AP2A1: variants seen among roughly 807,000 people sequenced by gnomAD.
The protein encoded by AP2A1 is adaptor related protein complex 2 subunit alpha 1.
A neutral mutation model predicts 107.3 loss-of-function variants in AP2A1; 21 were observed. The ratio of observed to expected loss-of-function variants is 0.20; its 90% CI spans 0.14 to 0.28. The LOEUF is 0.28. Ranked by LOEUF, AP2A1 falls within the 10% of genes least tolerant of loss-of-function variation. The pLI is 1.00. For missense variants in AP2A1, 873 were observed against 1,307.7 expected, an observed-to-expected ratio of 0.67 and a Z score of 5.13; for synonymous variants, 602 against 564.8, an observed-to-expected ratio of 1.07 and a Z score of -0.93.
chr19:49,802,621 G>A, intron 15 of AP2A1: 1 of 1,537,116 alleles, frequency 6.5e-7, no homozygotes, highest in Non-Finnish European at 8.8e-7. Flanking sequence ...CCTGGGGTGG[G>A]AGGTCGGTCG....
intron 8 of AP2A1, 51 bp downstream of exon 8, chr19:49,799,003 G>T: frequency 6.5e-6 from 10 of 1,548,718 alleles, no homozygotes; most frequent in Non-Finnish European, 7.9e-6. Context: ...GGAAAGAGGG[G>T]CATGGAGGCC....
intron 22 of AP2A1, 45 bp from the exon 23 acceptor site, chr19:49,806,636 G>A: frequency 6.2e-7 from 1 of 1,610,542 alleles, no homozygotes; most frequent in South Asian, 1.1e-5. Context: ...GACTTCCCTG[G>A]GCTCCCCATC....
At chr19:49,781,865 G>A (rs2084679888) in intron 2 of AP2A1, 40 bp downstream of exon 2, 1 of 1,610,218 alleles carries the variant, frequency 6.2e-7, no homozygotes, top group African/African-American at 1.3e-5. Context: ...AGGGAGGAGG[G>A]GGCTGGGAGC....
intron 22 of AP2A1, chr19:49,806,456 C>A: frequency 7.0e-7 from 1 of 1,436,968 alleles, no homozygotes; most frequent in Non-Finnish European, 9.1e-7. Context: ...CTCTTCCTGT[C>A]CCTCCCTGAT....
At chr19:49,800,524 C>T (rs771410073) in intron 11 of AP2A1, among the ~76,000 whole-genome samples, 2 of 152,106 alleles carry the variant, frequency 1.3e-5, no homozygotes, top group Non-Finnish European at 2.9e-5. Flanking sequence ...GAGTGAGTGC[C>T]GTGGTGCGAT....
rs752297696 is a variant in AP2A1, at chr19:49,798,792, G to A, written c.815-10G>A. On this transcript the variant is annotated splice_polypyrimidine_tract_variant and intron_variant, in intron 7 of 22. Coordinates refer to ENST00000354293, the MANE Select transcript of AP2A1 (RefSeq NM_130787.3). ...ACACTCAGCCGGGGGCGTCCCCTTC[G>A]TTTCCCCAGAGGATGCGGCTGTGAA... 7.5e-6 allele frequency: 12 copies of A among 1,601,936 alleles called. No homozygotes were observed. In the South Asian group the frequency reaches 7.9e-5, roughly 11 times the overall value.
intron 4 of AP2A1, among the ~76,000 whole-genome samples, chr19:49,790,235 C>T (rs2073125226): frequency 6.6e-6 from 1 of 152,146 alleles, no homozygotes; most frequent in Non-Finnish European, 1.5e-5. Context: ...GTGGCCCCTT[C>T]CCCCATCCCC....
At chr19:49,805,842 G>A (rs2073368228) in intron 20 of AP2A1, 30 bp from the exon 21 acceptor site, 1 of 1,613,386 alleles carries the variant, frequency 6.2e-7, no homozygotes. Flanking sequence ...GGCCGTCCAG[G>A]TCCCTGACTT....
intron 18 of AP2A1, 148 bp from the exon 19 acceptor site, chr19:49,805,305 T>C (rs893545642): frequency 1.0e-6 from 1 of 984,196 alleles, no homozygotes; most frequent in Non-Finnish European, 1.4e-6. Context: ...AACTTTGTAG[T>C]TGAACCTTGT....
chr19:49,777,510 C>G (rs549351962), intron 1 of AP2A1, among the ~76,000 whole-genome samples: 24 of 151,574 alleles, frequency 1.6e-4, no homozygotes, highest in African/African-American at 5.8e-4. Context: ...TGGCGGGCGC[C>G]TGTAGCCCCA....
rs755199982 is a variant in AP2A1, at chr19:49,805,951, C to T, written c.2655+10C>T. On this transcript the variant is annotated intron_variant, in intron 21 of 22. Transcript: ENST00000354293. ...AGTTACTAAGGCCAAGGTGAGAGAC[C>T]GCGGGCGTGTTTGCCGGCCTATGGC... 2 of 1,613,706 alleles carry T rather than the reference C, an allele frequency of 1.2e-6. No individual in the cohort carries two copies. The highest frequency in any genetic ancestry group is 1.3e-5 in the African/African-American group (1 of 75,006).
At position 49,788,392 on chromosome 19, in the gene AP2A1, G is replaced by T. The variant is rs2073100207; in HGVS notation, c.474-3543G>T. ...TTGTGTGGTATCCTTATCTGTAAAT[G>T]GAGATGATAGAATCCGCGTCCTTAG... On this transcript the variant is annotated intron_variant, in intron 4 of 22. Transcript: ENST00000354293. This position sits in a 1 kb window ranked among gnomAD's most constrained non-coding sequence, Gnocchi z 4.5. Among the ~76,000 whole-genome samples the T allele has an allele frequency of 6.6e-6, 1 of 152,342 alleles. No individual in the cohort carries two copies. Among genetic ancestry groups the T allele is most frequent in the South Asian group, 2.1e-4 (1 of 4,830 alleles).
intron 12 of AP2A1, 24 bp from the exon 13 acceptor site, chr19:49,801,366 G>T (rs766371214): frequency 6.2e-7 from 1 of 1,600,330 alleles, no homozygotes; most frequent in Admixed American, 1.7e-5. Flanking sequence ...ACCTGGCCCC[G>T]CTGACACCCA....
At chr19:49,772,368 G>C (rs930007700) in intron 1 of AP2A1, among the ~76,000 whole-genome samples, 1 of 145,076 alleles carries the variant, frequency 6.9e-6, no homozygotes, top group African/African-American at 2.6e-5. Flanking sequence ...CACGGAGATG[G>C]GTTTTTATTA....
chr19:49,805,469 C>G lies in AP2A1; in HGVS notation c.2361C>G (p.Thr787=), dbSNP rs768988868. 2 of 1,548,852 alleles carry G rather than the reference C, an allele frequency of 1.3e-6. No homozygotes were observed. The highest frequency in any genetic ancestry group is 2.7e-5 in the African/African-American group (2 of 73,080). The change falls in exon 19 of 23, where the codon ACC becomes ACG. Residue 787 remains threonine (T), a synonymous_variant. Transcript: ENST00000354293. ...GDLQTQLAVQ[T]KRVAAQVDGG... is the part of the protein sequence containing the mutation. ...GGCGGGCACAGCTGGCTGTGCAGAC[C>G]AAGCGCGTGGCGGCGCAGGTGGACG...
chr19:49,768,669 G>A lies in AP2A1; in HGVS notation c.67+1469G>A, dbSNP rs539946920. Among the ~76,000 whole-genome samples the A allele has an allele frequency of 3.3e-5, 5 of 152,262 alleles. No homozygotes were observed. The East Asian group carries it at 9.6e-4, about 29-fold the overall frequency. On this transcript the variant is annotated intron_variant, in intron 1 of 22. Transcript: ENST00000354293. The stretch of plus-strand genomic sequence containing the variant: ...TGGAAACAGTTGAGTATCAGTTGGA[G>A]GAGAAATGATCACTTGTTATGATAA...
intron 6 of AP2A1, among the ~76,000 whole-genome samples, chr19:49,794,819 C>T (rs774910248): frequency 3.2e-4 from 49 of 152,264 alleles, no homozygotes; most frequent in Middle Eastern, 3.4e-3. Flanking sequence ...TGTGCCACCA[C>T]GCCCAGCTAA....
rs1368409943 is a variant in AP2A1 at position 49,807,004 on chromosome 19, G to T, written c.*246G>T. 3.9e-6 allele frequency: 6 copies of T among 1,524,374 alleles called. No homozygotes were observed. Among genetic ancestry groups the T allele is most frequent in the Non-Finnish European group, 5.3e-6 (6 of 1,140,330 alleles). The allele number at this position is 1,524,374 out of a possible 1,614,324, so 94.4% of individuals were successfully genotyped here. ...CAAGCACAGAGGGGAGAGGGGCCAGGGAAGTGGATGTCTCCTCCCCTCCCA... is the reference window on the plus strand; with the variant it reads ...CAAGCACAGAGGGGAGAGGGGCCAGTGAAGTGGATGTCTCCTCCCCTCCCA... On this transcript the variant is annotated 3_prime_UTR_variant, in exon 23 of 23. Transcript: ENST00000354293.
chr19:49,806,828 A>T lies in AP2A1; in HGVS notation c.*70A>T. On this transcript the variant is annotated 3_prime_UTR_variant, in exon 23 of 23. Transcript: ENST00000354293. ...CCTTGGACTGAGGCAGTTTTGGTGGATGGGGGACCTCCACTGGTGACAGAG... is the reference window on the plus strand; with the variant it reads ...CCTTGGACTGAGGCAGTTTTGGTGGTTGGGGGACCTCCACTGGTGACAGAG... 6.2e-7 allele frequency: 1 copy of T among 1,605,376 alleles called. No individual in the cohort carries two copies. The highest frequency in any genetic ancestry group is 8.5e-7 in the Non-Finnish European group (1 of 1,177,048).
Sources: gnomAD v4.1 joint callset for allele counts (sites outside exome capture counted in the v4.1 genomes callset) on GRCh38, gnomAD v4.1.1 for gene constraint, Gnocchi (gnomAD v3.1) non-coding constraint, MANE v1.5 for transcripts, NCBI Gene and HGNC (gene_info 2026-07-23, HGNC 2026-07-21) for gene names.